PDE10A: variants seen among roughly 807,000 people sequenced by gnomAD.
PDE10A encodes the protein phosphodiesterase 10A, also known as cAMP and cAMP-inhibited cGMP 3',5'-cyclic phosphodiesterase 10A.
In PDE10A, 39 loss-of-function variants were observed where a neutral mutation model predicts 97.7. That is an observed-to-expected ratio of 0.40 (90% confidence interval 0.31 to 0.52). The LOEUF (loss-of-function observed/expected upper bound fraction) is 0.52. Among genes scored for constraint, PDE10A ranks in the 20% least tolerant of loss-of-function variants. The pLI is 0.56. For missense variants in PDE10A, 731 were observed against 1,047.8 expected, an observed-to-expected ratio of 0.70 and a Z score of 4.17; for synonymous variants, 371 against 376.8, an observed-to-expected ratio of 0.98 and a Z score of 0.18.
intron 1 of PDE10A, among the ~76,000 whole-genome samples, chr6:165,658,402 T>G (rs1790070652): frequency 6.6e-6 from 1 of 152,220 alleles, no homozygotes; most frequent in African/African-American, 2.4e-5. Flanking sequence ...TTTGCTAACT[T>G]TCTCAGTATC....
At chr6:165,478,589 T>C (rs180869300) in intron 3 of PDE10A, among the ~76,000 whole-genome samples, 17 of 152,288 alleles carry the variant, frequency 1.1e-4, no homozygotes, top group East Asian at 3.9e-4. Context: ...CTGAAAGAAA[T>C]TGAAGTATTT....
Position 165,861,595 on chromosome 6 carries a change from A to G in PDE10A, c.-615+125934T>C, listed in dbSNP as rs543612984. Among the ~76,000 whole-genome samples the G allele has an allele frequency of 1.9e-4, 29 of 152,106 alleles. No homozygotes were observed. The South Asian group carries it at 5.8e-3, about 31-fold the overall frequency. On this transcript the variant is annotated intron_variant, in intron 1 of 19. Coordinates refer to the PDE10A transcript ENST00000366882. ...ACTGAAGGCTCCGAGCAAGCAGAGA[A>G]TGGTGTGATCCAACAGCAGTCGCAG... is the stretch of plus-strand genomic sequence containing the variant.
chr6:165,505,885 G>T (rs1307393363), intron 2 of PDE10A, among the ~76,000 whole-genome samples: 2 of 150,270 alleles, frequency 1.3e-5, no homozygotes, highest in Non-Finnish European at 3.0e-5. Flanking sequence ...TGAATTCCAA[G>T]AAAAAAAATA....
At chr6:165,741,110 A>G (rs542295458) in intron 1 of PDE10A, among the ~76,000 whole-genome samples, 2 of 152,286 alleles carry the variant, frequency 1.3e-5, no homozygotes, top group East Asian at 3.9e-4. Context: ...GATTAAGTAG[A>G]TCTTAAATGT....
intron 1 of PDE10A, among the ~76,000 whole-genome samples, chr6:165,834,798 G>A (rs1050808592): frequency 4.6e-5 from 7 of 152,210 alleles, no homozygotes; most frequent in Non-Finnish European, 7.3e-5. Flanking sequence ...GAGTGGCCAG[G>A]CATTGTGCCA....
intron 1 of PDE10A, among the ~76,000 whole-genome samples, chr6:165,712,849 C>T (rs1284683538): frequency 2.0e-5 from 3 of 152,054 alleles, no homozygotes; most frequent in African/African-American, 4.8e-5. Context: ...ACCGTGTTAG[C>T]CAGGATGGTC....
chr6:165,417,534 T>C (rs1788405327), intron 11 of PDE10A, among the ~76,000 whole-genome samples: 1 of 152,170 alleles, frequency 6.6e-6, no homozygotes, highest in Admixed American at 6.5e-5. Flanking sequence ...CAAAATTAAA[T>C]CAATGCCAAC....
At chr6:165,514,499 G>C (rs1292232113) in intron 2 of PDE10A, among the ~76,000 whole-genome samples, 1 of 152,184 alleles carries the variant, frequency 6.6e-6, no homozygotes, top group Non-Finnish European at 1.5e-5. Flanking sequence ...CCCTTTCCAA[G>C]GAGTGACCAC....
intron 2 of PDE10A, among the ~76,000 whole-genome samples, chr6:165,533,987 A>C (rs1049091835): frequency 3.9e-5 from 6 of 152,088 alleles, no homozygotes; most frequent in African/African-American, 1.2e-4. Flanking sequence ...GATTTCCCTA[A>C]CCTGGCCAAA....
chr6:165,555,849 G>A (rs1173796485), intron 1 of PDE10A, among the ~76,000 whole-genome samples: 1 of 152,096 alleles, frequency 6.6e-6, no homozygotes. Flanking sequence ...TTGCTACAAG[G>A]AACAAGCCAG....
chr6:165,374,755 G>C (rs991678743), intron 18 of PDE10A, among the ~76,000 whole-genome samples: 1 of 141,326 alleles, frequency 7.1e-6, no homozygotes, highest in Non-Finnish European at 1.5e-5. Flanking sequence ...CATGTTTTTG[G>C]TTTTTTTTTT....
At chr6:165,543,953 T>C (rs6925739) in intron 1 of PDE10A, among the ~76,000 whole-genome samples, 2,215 of 152,292 alleles carry the variant, frequency 0.015, 51 homozygotes, top group African/African-American at 0.05. Flanking sequence ...TATTACATCA[T>C]GTTACATAGC....
intron 1 of PDE10A, among the ~76,000 whole-genome samples, chr6:165,763,612 T>A (rs142142439): frequency 1.8e-3 from 280 of 152,356 alleles, no homozygotes; most frequent in African/African-American, 6.5e-3. Context: ...TGCGAGCCAC[T>A]GTGCCCAGCC....
chr6:165,634,605 G>A (rs1788787972), intron 1 of PDE10A, among the ~76,000 whole-genome samples: 1 of 152,108 alleles, frequency 6.6e-6, no homozygotes, highest in African/African-American at 2.4e-5. Flanking sequence ...AGGTAGGGAA[G>A]TAAAACAGAA....
intron 1 of PDE10A, among the ~76,000 whole-genome samples, chr6:165,822,266 T>C (rs891696708): frequency 6.7e-6 from 1 of 149,566 alleles, no homozygotes; most frequent in African/African-American, 2.5e-5. Context: ...GATGGCACAG[T>C]CCACCACACA....
chr6:165,919,570 T>A (rs1330661208), intron 1 of PDE10A, among the ~76,000 whole-genome samples: 1 of 152,222 alleles, frequency 6.6e-6, no homozygotes, highest in Non-Finnish European at 1.5e-5. Flanking sequence ...TCCTCCTTCT[T>A]GTTCTTGCTC....
At chr6:165,800,832 G>C (rs540176986) in intron 1 of PDE10A, among the ~76,000 whole-genome samples, 2 of 152,328 alleles carry the variant, frequency 1.3e-5, no homozygotes, top group East Asian at 3.9e-4. Flanking sequence ...AATCCATTTA[G>C]AGGGCAGCGT....
chr6:165,495,666 C>A (rs887788059), intron 2 of PDE10A, among the ~76,000 whole-genome samples: 8 of 151,912 alleles, frequency 5.3e-5, no homozygotes, highest in Non-Finnish European at 1.2e-4. Context: ...TAATAAATTC[C>A]TTTGCTCTAA....
intron 1 of PDE10A, among the ~76,000 whole-genome samples, chr6:165,868,149 C>T (rs1781108842): frequency 1.3e-5 from 2 of 151,632 alleles, no homozygotes; most frequent in African/African-American, 4.8e-5. Context: ...AAAATTGGTA[C>T]AATGAAACAA....
Sources: gnomAD v4.1 joint callset for allele counts (sites outside exome capture counted in the v4.1 genomes callset) on GRCh38, gnomAD v4.1.1 for gene constraint, MANE v1.5 for transcripts, NCBI Gene and HGNC (gene_info 2026-07-23, HGNC 2026-07-21) for gene names.